Variants in SENP7 observed in about 807,000 individuals in gnomAD.
SENP7 encodes sentrin-specific protease 7.
Under a neutral mutation model 141.2 loss-of-function variants are expected in SENP7, and 64 were observed. That is an observed-to-expected ratio of 0.45 (90% CI 0.37 to 0.56). The LOEUF is 0.56. Ranked by LOEUF, SENP7 falls within the 20% of genes least tolerant of loss-of-function variation. The probability of loss-of-function intolerance (pLI) is 0.00; values close to 1 mark genes in which losing one functional copy is unlikely to be tolerated. For synonymous variants in SENP7, 382 were observed against 426.4 expected, an observed-to-expected ratio of 0.90 and a Z score of 1.28; for missense variants, 1,025 against 1,212.2, an observed-to-expected ratio of 0.85 and a Z score of 2.29.
chr3:101,486,893 C>T (rs1373732455), intron 3 of SENP7, among the ~76,000 whole-genome samples: 1 of 152,142 alleles, frequency 6.6e-6, no homozygotes, highest in Admixed American at 6.5e-5. Flanking sequence ...CATAAGGAAT[C>T]ACATAAACTT....
intron 17 of SENP7, among the ~76,000 whole-genome samples, chr3:101,335,758 T>G (rs2059167595): frequency 6.6e-6 from 1 of 152,184 alleles, no homozygotes; most frequent in African/African-American, 2.4e-5. Context: ...AATCATTAAA[T>G]TCTGTATACA....
intron 3 of SENP7, among the ~76,000 whole-genome samples, chr3:101,482,428 C>A (rs1454098883): frequency 6.6e-6 from 1 of 151,764 alleles, no homozygotes; most frequent in Non-Finnish European, 1.5e-5. Context: ...ACCAAATACA[C>A]AGAAAAATAT....
chr3:101,376,887 G>C (rs1362786371), intron 6 of SENP7, among the ~76,000 whole-genome samples: 1 of 151,548 alleles, frequency 6.6e-6, no homozygotes, highest in African/African-American at 2.4e-5. Context: ...TAACAACAGA[G>C]AAAAAAAAGA....
intron 1 of SENP7, among the ~76,000 whole-genome samples, chr3:101,507,060 CA>C (rs11315312): frequency 0.47 from 41,746 of 88,942 alleles, 6,299 homozygotes; most frequent in Admixed American, 0.57. Flanking sequence ...GATCCCATCT[CA>C]AAAAAAAAAA....
chr3:101,417,636 G>T lies in SENP7; in HGVS notation c.439C>A (p.Gln147Lys). Residue 147 changes from glutamine (Q) to lysine (K), a missense_variant, in exon 5 of 24, where the codon CAA (glutamine) becomes AAA (lysine). Gln to Lys is a moderately conservative substitution (Grantham distance 53, BLOSUM62 1). Coordinates refer to ENST00000394095, the MANE Select transcript of SENP7 (RefSeq NM_020654.5). ...STSVDSLETC[Q>K]KLEPLRQSLN... ...CTTTGGCGAAGAGGTTCTAATTTTT[G>T]ACATGTCTCTAGGCTGTCAACAGAT... 1.2e-6 allele frequency: 2 copies of T among 1,613,870 alleles called. No homozygotes were observed. The highest frequency in any genetic ancestry group is 1.1e-5 in the South Asian group (1 of 91,054).
intron 6 of SENP7, among the ~76,000 whole-genome samples, chr3:101,374,889 A>G (rs2060276986): frequency 6.6e-6 from 1 of 152,112 alleles, no homozygotes; most frequent in African/African-American, 2.4e-5. Flanking sequence ...ATTAATACTG[A>G]TAATAATAAA....
At chr3:101,342,822 C>T (rs2059361978) in intron 14 of SENP7, among the ~76,000 whole-genome samples, 1 of 152,022 alleles carries the variant, frequency 6.6e-6, no homozygotes, top group African/African-American at 2.4e-5. Flanking sequence ...TGCGCCACCA[C>T]ACCCAGCTAA....
Position 101,326,085 on chromosome 3 carries a change from T to C in SENP7, c.3016-5A>G, listed in dbSNP as rs112420943. 1 of 1,577,006 alleles carries C rather than the reference T, an allele frequency of 6.3e-7. No homozygotes were observed. Among genetic ancestry groups the C allele is most frequent in the Non-Finnish European group, 8.6e-7 (1 of 1,163,662 alleles). On this transcript the variant is annotated splice_region_variant and splice_polypyrimidine_tract_variant and intron_variant, in intron 23 of 23. Transcript: ENST00000394095. The stretch of plus-strand genomic sequence containing the variant: ...TTCAAAGTTAACAATAGGATCCTAA[T>C]GAGAGGAAAAAAAGAGTGTAATCAC...
intron 4 of SENP7, among the ~76,000 whole-genome samples, chr3:101,419,425 G>A (rs2061720518): frequency 6.6e-6 from 1 of 152,214 alleles, no homozygotes; most frequent in African/African-American, 2.4e-5. Flanking sequence ...AGAATAAAAT[G>A]GAAGTGCTAG....
At chr3:101,344,215 T>A (rs1031551853) in intron 13 of SENP7, among the ~76,000 whole-genome samples, 1 of 152,210 alleles carries the variant, frequency 6.6e-6, no homozygotes, top group African/African-American at 2.4e-5. Flanking sequence ...GCCTGACATT[T>A]AGTAATAAAC....
intron 5 of SENP7, among the ~76,000 whole-genome samples, chr3:101,415,639 C>A (rs2061595145): frequency 6.6e-6 from 1 of 152,114 alleles, no homozygotes; most frequent in Non-Finnish European, 1.5e-5. Context: ...TAAGACAAAC[C>A]CCTGGCAGCA....
At chr3:101,346,967 A>G (rs901319134) in intron 13 of SENP7, among the ~76,000 whole-genome samples, 1 of 149,804 alleles carries the variant, frequency 6.7e-6, no homozygotes, top group Non-Finnish European at 1.5e-5. Context: ...GGGAGGAGGA[A>G]AGGAGGAGGA....
chr3:101,420,230 T>A (rs1274758371), intron 4 of SENP7, among the ~76,000 whole-genome samples: 1 of 152,166 alleles, frequency 6.6e-6, no homozygotes, highest in South Asian at 2.1e-4. Context: ...TAGCCGGGCA[T>A]GGTGGCGGGC....
chr3:101,379,379 G>A (rs1005907145), intron 6 of SENP7, among the ~76,000 whole-genome samples: 1 of 152,070 alleles, frequency 6.6e-6, no homozygotes, highest in African/African-American at 2.4e-5. Context: ...AACAGATTAC[G>A]TAGACTTCAT....
chr3:101,421,184 G>C (rs1037921214), intron 4 of SENP7, among the ~76,000 whole-genome samples: 1 of 151,900 alleles, frequency 6.6e-6, no homozygotes, highest in African/African-American at 2.4e-5. Context: ...CATGATGCCT[G>C]CAACTTACTC....
In SENP7 at chr3:101,401,300, A is replaced by G. The variant is rs139177868; in HGVS notation, c.483-2245T>C. Among the ~76,000 whole-genome samples the G allele has an allele frequency of 6.1e-3, 932 of 152,148 alleles. 6 individuals carry two copies. Among genetic ancestry groups the G allele is most frequent in the African/African-American group, 0.022 (898 of 41,520 alleles). On this transcript the variant is annotated intron_variant, in intron 5 of 23. Transcript: ENST00000394095. ...TCCTAGCACTTAGGGAGGCTGAGGC[A>G]GGAGGATCACTTGAGGTCAGGAATT...
chr3:101,392,604 C>T (rs927570633), intron 6 of SENP7, among the ~76,000 whole-genome samples: 1 of 152,110 alleles, frequency 6.6e-6, no homozygotes, highest in African/African-American at 2.4e-5. Context: ...GTTAAAATGA[C>T]CATACTTCCC....
At chr3:101,376,632 T>G (rs1449261179) in intron 6 of SENP7, among the ~76,000 whole-genome samples, 4 of 147,562 alleles carry the variant, frequency 2.7e-5, no homozygotes, top group African/African-American at 1.0e-4. Context: ...TGGGGACTGT[T>G]GTGGGGTGGG....
intron 5 of SENP7, among the ~76,000 whole-genome samples, chr3:101,406,912 T>G (rs879669345): frequency 6.6e-5 from 10 of 152,298 alleles, no homozygotes; most frequent in African/African-American, 9.6e-5. Context: ...TGGAGCCCTA[T>G]CTTCACCCTC....
Sources: gnomAD v4.1 joint callset for allele counts (sites outside exome capture counted in the v4.1 genomes callset) on GRCh38, gnomAD v4.1.1 for gene constraint, MANE v1.5 for transcripts, NCBI Gene and HGNC (gene_info 2026-07-23, HGNC 2026-07-21) for gene names.